CDH4: variants seen among roughly 807,000 people sequenced by gnomAD.
The protein encoded by CDH4 is cadherin-4.
Under a neutral mutation model 86.0 loss-of-function variants are expected in CDH4, and 33 were observed. The observed-to-expected ratio is 0.38, with a 90% CI of 0.29 to 0.51. The LOEUF is 0.51. CDH4 is among the 20% of genes least tolerant of loss of function. CDH4 has a pLI of 0.86. For missense variants in CDH4, 1,114 were observed against 1,307.4 expected (o/e 0.85, Z 2.28); for synonymous variants, 555 against 549.4 (o/e 1.01, Z -0.14).
intron 8 of CDH4, among the ~76,000 whole-genome samples, chr20:61,898,464 T>C (rs542752573): frequency 2.3e-4 from 35 of 152,320 alleles, no homozygotes; most frequent in Non-Finnish European, 4.4e-4. Flanking sequence ...GGACACAAGC[T>C]TCAGACCCTG....
intron 7 of CDH4, among the ~76,000 whole-genome samples, chr20:61,880,721 G>A (rs1353487724): frequency 6.6e-6 from 1 of 152,212 alleles, no homozygotes; most frequent in Non-Finnish European, 1.5e-5. Flanking sequence ...AGAGAGGGTC[G>A]AGGTTTGGGC....
chr20:61,374,628 C>T (rs1372088942), intron 2 of CDH4, among the ~76,000 whole-genome samples: 2 of 152,198 alleles, frequency 1.3e-5, no homozygotes, highest in South Asian at 2.1e-4. Context: ...ACCATCTGAA[C>T]GGACTCTCTC....
intron 2 of CDH4, among the ~76,000 whole-genome samples, chr20:61,365,515 A>C (rs540352286): frequency 2.6e-5 from 4 of 152,046 alleles, no homozygotes; most frequent in Admixed American, 6.6e-5. Context: ...AGGACCCAGA[A>C]AGGCTTCTGG....
At chr20:61,851,846 C>T (rs568501387) in intron 5 of CDH4, among the ~76,000 whole-genome samples, 6 of 152,328 alleles carry the variant, frequency 3.9e-5, no homozygotes, top group South Asian at 2.1e-4. Context: ...CTTCTCTTCC[C>T]GGTGTCCATT....
At chr20:61,656,445 G>A (rs1372678007) in intron 2 of CDH4, among the ~76,000 whole-genome samples, 3 of 152,116 alleles carry the variant, frequency 2.0e-5, no homozygotes, top group Non-Finnish European at 4.4e-5. Flanking sequence ...GGGGTGGAAA[G>A]GTTTGTGATT....
chr20:61,347,009 G>A (rs192565771), intron 2 of CDH4, among the ~76,000 whole-genome samples: 12 of 152,270 alleles, frequency 7.9e-5, no homozygotes, highest in African/African-American at 2.9e-4. Flanking sequence ...TAATAACATG[G>A]TTTCATGGCT....
At chr20:61,838,064 TG>T (rs1981960534) in intron 4 of CDH4, among the ~76,000 whole-genome samples, 2 of 152,170 alleles carry the variant, frequency 1.3e-5, no homozygotes, top group South Asian at 4.2e-4. Context: ...TGGCCTTTTC[TG>T]CTCCAGGAGG....
At chr20:61,876,780 G>T (rs755135617) in intron 7 of CDH4, among the ~76,000 whole-genome samples, 1 of 152,192 alleles carries the variant, frequency 6.6e-6, no homozygotes, top group African/African-American at 2.4e-5. Context: ...CCTTCAGCAC[G>T]AATGTCTATA....
intron 4 of CDH4, among the ~76,000 whole-genome samples, chr20:61,798,224 A>AGGAGCACCCTCAGCTCCCTGCG (rs1979647934): frequency 7.2e-6 from 1 of 138,570 alleles, no homozygotes; most frequent in Non-Finnish European, 1.5e-5. Flanking sequence ...ACCTCCTGCC[A>AGGAGCACCCTCAGCTCCCTGCG]GGAGCACCCT....
Position 61,933,987 on chromosome 20 carries a change from G to T in CDH4, c.2380-69G>T. 3 of 1,563,906 alleles carry T rather than the reference G, an allele frequency of 1.9e-6. No homozygotes were observed. The South Asian group carries it at 3.5e-5, about 18-fold the overall frequency. On this transcript the variant is annotated intron_variant, in intron 14 of 15. Transcript: ENST00000614565. ...ATCTGTGGCCCAGGTGACAGAAAAG[G>T]ATGCAGGGTGGAAGGGGGGCTGGCG... is the stretch of plus-strand genomic sequence containing the variant.
rs78733345 is a variant in CDH4 at position 61,700,556 on chromosome 20, C to T, written c.170-43007C>T. Among the ~76,000 whole-genome samples, 1,115 of 152,312 alleles carry T rather than the reference C, an allele frequency of 7.3e-3. 11 individuals are homozygous for T. Among genetic ancestry groups the T allele is most frequent in the African/African-American group, 0.026 (1,069 of 41,570 alleles). On this transcript the variant is annotated intron_variant, in intron 2 of 15. Coordinates refer to ENST00000614565, the MANE Select transcript of CDH4 (RefSeq NM_001794.5). ...CAGGGTTGTCACCCCAGCAAGGGAC[C>T]CGCTGTGTCATCAGCCTCCGTGCAT...
At chr20:61,421,181 G>A (rs1184208656) in intron 2 of CDH4, among the ~76,000 whole-genome samples, 2 of 152,216 alleles carry the variant, frequency 1.3e-5, no homozygotes. Flanking sequence ...GGCTCCTGGG[G>A]CCGATGTCTT....
At chr20:61,565,170 G>GGGTGGA (rs1555809041) in intron 2 of CDH4, among the ~76,000 whole-genome samples, 1 of 127,148 alleles carries the variant, frequency 7.9e-6, no homozygotes, top group Non-Finnish European at 1.7e-5. Context: ...CTTGGTGATG[G>GGGTGGA]GGTGGTGGTG....
chr20:61,442,824 G>A (rs972790415), intron 2 of CDH4, among the ~76,000 whole-genome samples: 1 of 152,236 alleles, frequency 6.6e-6, no homozygotes, highest in Admixed American at 6.5e-5. Flanking sequence ...TCTTGGGTTT[G>A]AGCACTGATC....
intron 4 of CDH4, among the ~76,000 whole-genome samples, chr20:61,792,270 T>A (rs1979245198): frequency 6.6e-6 from 1 of 152,146 alleles, no homozygotes; most frequent in Middle Eastern, 3.2e-3. Flanking sequence ...CACCCTGCTG[T>A]TGAGGTGACA....
intron 2 of CDH4, among the ~76,000 whole-genome samples, chr20:61,379,148 G>A (rs541682826): frequency 6.6e-6 from 1 of 152,178 alleles, no homozygotes. Context: ...CTGACAAGTG[G>A]TAAGTGTAAT....
chr20:61,765,939 CTGAT>C (rs927370362), intron 3 of CDH4, among the ~76,000 whole-genome samples: 2 of 152,094 alleles, frequency 1.3e-5, no homozygotes, highest in Non-Finnish European at 2.9e-5. Flanking sequence ...ATGCCGGACT[CTGAT>C]TGGCCAGCTG....
In CDH4 at chr20:61,464,263, A is replaced by C. The variant is rs556546875; in HGVS notation, c.169+209326A>C. Among the ~76,000 whole-genome samples the C allele has an allele frequency of 3.3e-5, 5 of 152,340 alleles. No homozygotes were observed. In the South Asian group the frequency reaches 8.3e-4, roughly 25 times the overall value. The stretch of plus-strand genomic sequence containing the variant: ...AAAGGAAGGCCACAGTATTACCTTT[A>C]AAAGAAAAATCCCAATAAGTTTATT... On this transcript the variant is annotated intron_variant, in intron 2 of 15. Transcript: ENST00000614565.
In CDH4 at chr20:61,737,590, C is replaced by T. The variant is rs950472199; in HGVS notation, c.170-5973C>T. ...AGCCTGTGCGGTTCCCGGCAGACCC[C>T]GGTGTTCAGTAAGTGTTTGTGGGAT... On this transcript the variant is annotated intron_variant, in intron 2 of 15. Transcript: ENST00000614565. 3.9e-5 allele frequency among the ~76,000 whole-genome samples: 6 copies of T among 152,206 alleles called. No homozygotes were observed. The South Asian group carries it at 6.2e-4, about 16-fold the overall frequency.
Sources: allele counts gnomAD v4.1 joint callset (sites outside exome capture counted in the v4.1 genomes callset), GRCh38; gene constraint gnomAD v4.1.1; transcripts MANE v1.5; gene names NCBI Gene and HGNC (gene_info 2026-07-23, HGNC 2026-07-21).